ZNF138: variants seen among roughly 807,000 people sequenced by gnomAD.
ZNF138 encodes the protein zinc finger protein 138, also known as zinc finger protein 138 (clone pHZ-32).
In ZNF138, 33 loss-of-function variants were observed where a neutral mutation model predicts 33.0. The observed-to-expected ratio is 1.00, with a 90% CI of 0.76 to 1.34. The LOEUF (loss-of-function observed/expected upper bound fraction) is 1.34. Among genes scored for constraint, ZNF138 ranks in the 40% most tolerant of loss-of-function variants. The pLI, the probability that ZNF138 is intolerant of heterozygous loss-of-function variation, is 0.00. For synonymous variants in ZNF138, 139 were observed against 120.4 expected (o/e 1.15, Z -1.01); for missense variants, 360 against 370.8 (o/e 0.97, Z 0.24).
intron 3 of ZNF138, among the ~76,000 whole-genome samples, chr7:64,818,299 T>G (rs961046973): frequency 6.6e-6 from 1 of 152,146 alleles, no homozygotes; most frequent in Non-Finnish European, 1.5e-5. Flanking sequence ...ATATTTCTTT[T>G]ATATAAGCAG....
chr7:64,827,037 A>G (rs1789675443), intron 3 of ZNF138, among the ~76,000 whole-genome samples: 1 of 152,160 alleles, frequency 6.6e-6, no homozygotes, highest in Non-Finnish European at 1.5e-5. Context: ...TACATTTATA[A>G]TAAAGAGGTT....
intron 1 of ZNF138, among the ~76,000 whole-genome samples, chr7:64,807,738 G>A (rs745341092): frequency 1.3e-5 from 2 of 152,202 alleles, no homozygotes; most frequent in African/African-American, 2.4e-5. Flanking sequence ...GCCCCGCTTT[G>A]GGAGTGTGGC....
chr7:64,832,451 C>T lies in ZNF138; in HGVS notation c.*249C>T. The T allele has an allele frequency of 1.4e-6, 2 of 1,398,476 alleles. No individual in the cohort carries two copies. Among genetic ancestry groups the T allele is most frequent in the South Asian group, 1.4e-5 (1 of 69,904 alleles). 86.6% of individuals were successfully genotyped at this position (1,398,476 alleles called of 1,614,324 possible). On this transcript the variant is annotated 3_prime_UTR_variant, in exon 4 of 4. Coordinates refer to ENST00000307355, the MANE Select transcript of ZNF138 (RefSeq NM_001271639.2). ...AATGTGGAAAAGCTTTTCACCGATA[C>T]TCAATCCTTAGTACACATAAGAAAA...
intron 1 of ZNF138, among the ~76,000 whole-genome samples, chr7:64,802,017 C>T (rs531989186): frequency 6.6e-6 from 1 of 152,214 alleles, no homozygotes; most frequent in East Asian, 1.9e-4. Flanking sequence ...ACACAGCCCT[C>T]GGGAGGTCCT....
At chr7:64,812,922 A>G (rs1788296773) in intron 1 of ZNF138, among the ~76,000 whole-genome samples, 1 of 147,956 alleles carries the variant, frequency 6.8e-6, no homozygotes, top group African/African-American at 2.5e-5. Flanking sequence ...CTGGAATGCC[A>G]TGCGTTTAGT....
chr7:64,844,193 C>A, the ZNF138 span, among the ~76,000 whole-genome samples: 3 of 152,202 alleles, frequency 2.0e-5, no homozygotes, highest in Admixed American at 2.0e-4. Flanking sequence ...CTTCACTCTC[C>A]CAACTAGCTG....
intron 3 of ZNF138, among the ~76,000 whole-genome samples, chr7:64,821,536 C>G (rs1307165444): frequency 2.0e-5 from 3 of 151,324 alleles, no homozygotes; most frequent in Non-Finnish European, 4.4e-5. Flanking sequence ...AGTTATTCAA[C>G]TTTATATTCT....
At chr7:64,837,609 A>T (rs61741928), downstream of ZNF138, among the ~76,000 whole-genome samples, 1,980 of 152,296 alleles carry the variant, frequency 0.013, 44 homozygotes, top group African/African-American at 0.045. Flanking sequence ...GCGCGTCTCG[A>T]GAGCCAATTT....
At chr7:64,829,069 CTA>C (rs1160518851) in intron 3 of ZNF138, among the ~76,000 whole-genome samples, 1 of 152,024 alleles carries the variant, frequency 6.6e-6, no homozygotes, top group Admixed American at 6.6e-5. Flanking sequence ...AGAAAGTGAT[CTA>C]TACAAATTCA....
the ZNF138 span, among the ~76,000 whole-genome samples, chr7:64,848,898 A>G: frequency 0.94 from 142,339 of 151,978 alleles, 67,313 homozygotes; most frequent in Non-Finnish European, 1. Flanking sequence ...TAGAGACAGC[A>G]TTTCCCTATG....
chr7:64,819,811 A>G (rs1441703296), intron 3 of ZNF138, among the ~76,000 whole-genome samples: 1 of 147,452 alleles, frequency 6.8e-6, no homozygotes, highest in Non-Finnish European at 1.5e-5. Context: ...GGTGGCTTCC[A>G]TGTGTAATCT....
downstream of ZNF138, among the ~76,000 whole-genome samples, chr7:64,837,717 G>A (rs1463729063): frequency 4.6e-5 from 7 of 152,168 alleles, no homozygotes; most frequent in Admixed American, 6.6e-5. Flanking sequence ...GTCAAGTGTG[G>A]TTGTCACCTG....
At chr7:64,805,688 C>T (rs894536813) in intron 1 of ZNF138, among the ~76,000 whole-genome samples, 7 of 152,180 alleles carry the variant, frequency 4.6e-5, no homozygotes, top group Admixed American at 6.5e-5. Context: ...GTGCTCAGGG[C>T]GTAGCATAGC....
At chr7:64,844,663 T>C in the ZNF138 span, among the ~76,000 whole-genome samples, 1 of 139,500 alleles carries the variant, frequency 7.2e-6, no homozygotes, top group African/African-American at 2.6e-5. Context: ...TGAGTAAGTT[T>C]TATGTGTTTT....
intron 3 of ZNF138, among the ~76,000 whole-genome samples, chr7:64,821,646 A>G (rs1436513059): frequency 6.6e-6 from 1 of 151,074 alleles, no homozygotes; most frequent in Admixed American, 6.6e-5. Flanking sequence ...TCCCGGGTTC[A>G]AGTGATTCTC....
the ZNF138 span, among the ~76,000 whole-genome samples, chr7:64,859,348 A>C: frequency 6.6e-6 from 1 of 152,374 alleles, no homozygotes; most frequent in African/African-American, 2.4e-5. Context: ...CAGTTTAAAA[A>C]AGTTTTTTTA....
intron 3 of ZNF138, among the ~76,000 whole-genome samples, chr7:64,828,236 C>T (rs1360550867): frequency 1.3e-5 from 2 of 151,572 alleles, no homozygotes; most frequent in African/African-American, 4.8e-5. Flanking sequence ...AAAAAATTTA[C>T]AATCAAGTAT....
chr7:64,815,680 C>T, intron 3 of ZNF138, 27 bp downstream of exon 3: 2 of 1,596,510 alleles, frequency 1.3e-6, no homozygotes, highest in East Asian at 2.3e-5. Flanking sequence ...ACACAGATGG[C>T]ACAGATGAGA....
intron 1 of ZNF138, 121 bp from the exon 2 acceptor site, chr7:64,814,797 C>A: frequency 7.9e-7 from 1 of 1,267,530 alleles, no homozygotes; most frequent in South Asian, 1.4e-5. Flanking sequence ...TAATTTCAGT[C>A]ACTCCTGTAA....
Sources: allele counts gnomAD v4.1 joint callset (sites outside exome capture counted in the v4.1 genomes callset), GRCh38; gene constraint gnomAD v4.1.1; transcripts MANE v1.5; gene names NCBI Gene and HGNC (gene_info 2026-07-23, HGNC 2026-07-21).